CDK5RAP2: variants seen among roughly 807,000 people sequenced by gnomAD.
The protein encoded by CDK5RAP2 is CDK5 regulatory subunit-associated protein 2.
In CDK5RAP2, 147 loss-of-function variants were observed where a neutral mutation model predicts 232.9. The ratio of observed to expected loss-of-function variants is 0.63; its 90% CI spans 0.55 to 0.72. CDK5RAP2 has a LOEUF of 0.72. Ranked by LOEUF, CDK5RAP2 falls within the 30% of genes least tolerant of loss-of-function variation. The probability of loss-of-function intolerance (pLI) is 0.00; values close to 1 mark genes in which losing one functional copy is unlikely to be tolerated. For missense variants in CDK5RAP2, 2,195 were observed against 2,231.5 expected (o/e 0.98, Z 0.33); for synonymous variants, 833 against 833.7 (o/e 1.00, Z 0.01).
chr9:120,524,569 C>T (rs556672753), intron 11 of CDK5RAP2, among the ~76,000 whole-genome samples: 6 of 151,464 alleles, frequency 4.0e-5, no homozygotes, highest in Admixed American at 6.6e-5. Flanking sequence ...ACCCAGGAGG[C>T]GGAGGTTGCA....
At chr9:120,478,707 G>C (rs1029376005) in intron 14 of CDK5RAP2, among the ~76,000 whole-genome samples, 1 of 152,216 alleles carries the variant, frequency 6.6e-6, no homozygotes, top group Non-Finnish European at 1.5e-5. Flanking sequence ...CTTGAGCCCA[G>C]AAGTTTGAGA....
intron 18 of CDK5RAP2, 172 bp from the exon 19 acceptor site, chr9:120,460,839 T>A: frequency 8.9e-7 from 1 of 1,121,546 alleles, no homozygotes; most frequent in Non-Finnish European, 1.3e-6. Context: ...AAGGTTAGAG[T>A]TGCTAGTTGT....
In CDK5RAP2 at chr9:120,411,447, G is replaced by T; in HGVS notation, c.4325C>A (p.Ser1442Ter). ...TGATGTTAGAGAACTATGAAGCTCT[G>T]AACCAGAAGCAAAAATGCTTGTAGA... ...QGSTSIFASG[S>*]ELHSSLTSEI... is the part of the protein sequence containing the mutation. Residue 1442 changes from serine (S) to a stop codon, truncating the protein, a stop_gained, in exon 29 of 38, where the codon TCA becomes TAA. Transcript: ENST00000349780. LOFTEE classifies it high-confidence loss of function. 6.2e-7 allele frequency: 1 copy of T among 1,611,418 alleles called. No homozygotes were observed. The highest frequency in any genetic ancestry group is 1.1e-5 in the South Asian group (1 of 91,028).
rs34523498 is a variant in CDK5RAP2, at chr9:120,443,703, C to T, written c.3065G>A (p.Gly1022Glu). The change falls in exon 23 of 38, where the codon GGA becomes GAA. Residue 1022 changes from glycine to glutamate, a missense_variant. By Grantham distance (98) the Gly-to-Glu change is moderately conservative. Coordinates refer to ENST00000349780, the MANE Select transcript of CDK5RAP2 (RefSeq NM_018249.6). ...PVGAAYQDSP[G>E]EQKGIKTTSS... is the part of the protein sequence containing the mutation. ...TGTGGTTTTAATTCCTTTCTGCTCT[C>T]CTGGGCTGTCCTGGTAGGCTGCTCC... is the stretch of plus-strand genomic sequence containing the variant. The T allele has an allele frequency of 0.027, 44,335 of 1,614,004 alleles. 704 individuals are homozygous for T. The highest frequency in any genetic ancestry group is 0.065 in the East Asian group (2,910 of 44,876).
intron 14 of CDK5RAP2, among the ~76,000 whole-genome samples, chr9:120,478,892 T>C (rs796789638): frequency 2.3e-4 from 35 of 152,350 alleles, no homozygotes; most frequent in African/African-American, 6.3e-4. Flanking sequence ...ATGATCGATA[T>C]GCCAATTAAT....
intron 2 of CDK5RAP2, among the ~76,000 whole-genome samples, chr9:120,568,591 A>C (rs542444781): frequency 6.6e-6 from 1 of 152,338 alleles, no homozygotes; most frequent in Non-Finnish European, 1.5e-5. Flanking sequence ...AACTAACCCC[A>C]AAGTAACAAT....
intron 12 of CDK5RAP2, among the ~76,000 whole-genome samples, chr9:120,515,418 A>G (rs2040288092): frequency 6.6e-6 from 1 of 152,218 alleles, no homozygotes; most frequent in South Asian, 2.1e-4. Flanking sequence ...TGGATTTTAA[A>G]TTGTTTTGCA....
intron 27 of CDK5RAP2, 122 bp from the exon 28 acceptor site, chr9:120,415,281 T>C: frequency 3.5e-6 from 4 of 1,127,484 alleles, no homozygotes; most frequent in South Asian, 1.3e-5. Context: ...GGTTAGCAAC[T>C]GGCAATTCTT....
At chr9:120,420,092 T>C in intron 26 of CDK5RAP2, 132 bp from the exon 27 acceptor site, 1 of 742,084 alleles carries the variant, frequency 1.3e-6, no homozygotes, top group East Asian at 2.6e-5. Flanking sequence ...TCAGACCTTT[T>C]ATTTCCCTAC....
chr9:120,406,658 GT>G (rs1014983778), intron 32 of CDK5RAP2: 43 of 275,856 alleles, frequency 1.6e-4, no homozygotes, highest in African/African-American at 8.7e-4. Context: ...AGATTAAGAT[GT>G]TTAGGTTCCC....
intron 12 of CDK5RAP2, chr9:120,517,930 T>C (rs749910494): frequency 7.6e-6 from 2 of 262,034 alleles, no homozygotes; most frequent in Non-Finnish European, 1.6e-5. Flanking sequence ...TAAATATTTA[T>C]GTACAAGGAT....
At chr9:120,454,008 C>A in intron 20 of CDK5RAP2, 135 bp from the exon 21 acceptor site, 1 of 856,728 alleles carries the variant, frequency 1.2e-6, no homozygotes, top group Non-Finnish European at 1.9e-6. Flanking sequence ...GTACCCACAA[C>A]GTGCCAGGGC....
At chr9:120,533,368 T>C (rs532571337) in intron 7 of CDK5RAP2, among the ~76,000 whole-genome samples, 6 of 152,258 alleles carry the variant, frequency 3.9e-5, no homozygotes, top group Admixed American at 2.6e-4. Flanking sequence ...TCACTGAAGC[T>C]CACAGGCCCT....
chr9:120,417,057 C>G (rs1041659085), intron 27 of CDK5RAP2, among the ~76,000 whole-genome samples: 2 of 152,234 alleles, frequency 1.3e-5, no homozygotes, highest in African/African-American at 2.4e-5. Flanking sequence ...CTGCAAAAAG[C>G]TACTGGCACC....
At chr9:120,455,828 C>T (rs1002085792) in intron 20 of CDK5RAP2, among the ~76,000 whole-genome samples, 1 of 151,956 alleles carries the variant, frequency 6.6e-6, no homozygotes, top group African/African-American at 2.4e-5. Flanking sequence ...TCCCCTCATG[C>T]TGGTCTAATC....
Position 120,403,047 on chromosome 9 carries a change from CCA to C in CDK5RAP2, c.5064_5065del (p.Gly1689GlufsTer2). The C allele has an allele frequency of 6.2e-7, 1 of 1,614,132 alleles. No homozygotes were observed. Among genetic ancestry groups the C allele is most frequent in the South Asian group, 1.1e-5 (1 of 91,074 alleles). On this transcript the variant is annotated frameshift_variant, in exon 34 of 38. Transcript: ENST00000349780. LOFTEE classifies it high-confidence loss of function. This position sits in a 1 kb window ranked among gnomAD's most constrained non-coding sequence, Gnocchi z 4.2. ...GCAGGAGAGGGAGTCCGTGTCATTCCCAGAGAGTGGAGGAGTCTCTGAAACTG... is the reference window on the plus strand; with the variant it reads ...GCAGGAGAGGGAGTCCGTGTCATTCCGAGAGTGGAGGAGTCTCTGAAACTG...
chr9:120,487,677 G>A (rs1482823765), intron 13 of CDK5RAP2, among the ~76,000 whole-genome samples: 1 of 152,194 alleles, frequency 6.6e-6, no homozygotes, highest in African/African-American at 2.4e-5. Context: ...GATGGTCGCA[G>A]TCGCTACAAA....
At chr9:120,514,642 C>T (rs1334465267) in intron 12 of CDK5RAP2, among the ~76,000 whole-genome samples, 1 of 152,104 alleles carries the variant, frequency 6.6e-6, no homozygotes, top group Non-Finnish European at 1.5e-5. Flanking sequence ...TCCAGTGCCC[C>T]GTCCTTCCAG....
chr9:120,467,965 C>T lies in CDK5RAP2; in HGVS notation c.2001G>A (p.Leu667=). The T allele has an allele frequency of 6.2e-7, 1 of 1,614,154 alleles. No individual in the cohort carries two copies. The highest frequency in any genetic ancestry group is 8.5e-7 in the Non-Finnish European group (1 of 1,180,000). ...VSDLIQLVKE[L]YTDNQHLKKT... ...TCTTCAGGTGCTGGTTGTCTGTATA[C>T]AGCTCCTTCACTAGCTGTATAAGGT... The change falls in exon 18 of 38, where the codon CTG becomes CTA. Residue 667 remains leucine, a synonymous_variant. Transcript: ENST00000349780.
Sources: gnomAD v4.1 joint callset for allele counts (sites outside exome capture counted in the v4.1 genomes callset) on GRCh38, gnomAD v4.1.1 for gene constraint, Gnocchi (gnomAD v3.1) non-coding constraint, MANE v1.5 for transcripts, NCBI Gene and HGNC (gene_info 2026-07-23, HGNC 2026-07-21) for gene names.